ITSN1: variants seen among roughly 807,000 people sequenced by gnomAD.
ITSN1 encodes intersectin-1.
In ITSN1, 58 loss-of-function variants were observed where a neutral mutation model predicts 239.8. The ratio of observed to expected loss-of-function variants is 0.24; its 90% CI spans 0.20 to 0.30. The LOEUF is 0.30. ITSN1 is among the 10% of genes least tolerant of loss of function. The probability of loss-of-function intolerance (pLI) is 1.00; values close to 1 mark genes in which losing one functional copy is unlikely to be tolerated. For missense variants in ITSN1, 1,558 were observed against 2,103.3 expected (o/e 0.74, Z 5.07); for synonymous variants, 780 against 770.8 (o/e 1.01, Z -0.20).
rs1343061780 is a variant in ITSN1, at chr21:33,836,606, C to T, written c.3635C>T (p.Thr1212Ile). Reference protein sequence around the residue: ...GLFPSNYVKLTTDMDPSQQWC... With the variant: ...GLFPSNYVKLITDMDPSQQWC... ...TTCCCATCCAATTATGTGAAGCTGA[C>T]CACAGACATGGACCCAAGCCAGCAA... The change falls in exon 29 of 40, where the codon ACC becomes ATC. Residue 1212 changes from threonine (T) to isoleucine (I), a missense_variant. By Grantham distance (89) the Thr-to-Ile change is moderately conservative. Around this residue, in one of 2 missense-constraint regions of ITSN1, gnomAD observed 576 missense variants for 893.3 expected, o/e 0.64. Transcript: ENST00000381318. 5 of 1,614,006 alleles carry T rather than the reference C, an allele frequency of 3.1e-6. No homozygotes were observed. In the Admixed American group the frequency reaches 6.7e-5, roughly 22 times the overall value.
intron 4 of ITSN1, among the ~76,000 whole-genome samples, chr21:33,727,185 G>T (rs1193406491): frequency 1.3e-5 from 2 of 152,114 alleles, no homozygotes; most frequent in African/African-American, 4.8e-5. Context: ...TTATTAATAA[G>T]GAGCTGGAAG....
chr21:33,703,108 T>TGC (rs887168914), intron 1 of ITSN1, among the ~76,000 whole-genome samples: 2 of 151,466 alleles, frequency 1.3e-5, no homozygotes, highest in African/African-American at 4.8e-5. Context: ...TGTGTGTGTG[T>TGC]GTGTGTATAC....
intron 7 of ITSN1, chr21:33,754,358 A>G (rs1602029363): frequency 6.6e-6 from 1 of 152,248 alleles, no homozygotes; most frequent in Non-Finnish European, 1.5e-5. Context: ...ACACATGGAA[A>G]TGATGATTAA....
intron 16 of ITSN1, among the ~76,000 whole-genome samples, chr21:33,789,012 T>C (rs1266827239): frequency 1.3e-5 from 2 of 152,236 alleles, no homozygotes; most frequent in African/African-American, 4.8e-5. Flanking sequence ...TCAGTTTACC[T>C]TGATTTGGGT....
At position 33,848,419 on chromosome 21, in the gene ITSN1, G is replaced by A. The variant is rs1261050846; in HGVS notation, c.3662-8317G>A. On this transcript the variant is annotated intron_variant, in intron 29 of 39. Coordinates refer to ENST00000381318, the MANE Select transcript of ITSN1 (RefSeq NM_003024.3). ...GACTTTGTATCTTTAGAACCATGAGGAAGTATATGTTGTTTAAGCGGCTGG... is the reference window on the plus strand; with the variant it reads ...GACTTTGTATCTTTAGAACCATGAGAAAGTATATGTTGTTTAAGCGGCTGG... Among the ~76,000 whole-genome samples, 3 of 152,168 alleles carry A rather than the reference G, an allele frequency of 2.0e-5. No individual in the cohort carries two copies. In the East Asian group the frequency reaches 5.8e-4, roughly 29 times the overall value.
intron 5 of ITSN1, among the ~76,000 whole-genome samples, chr21:33,741,128 G>A (rs780201463): frequency 4.6e-5 from 7 of 152,146 alleles, no homozygotes; most frequent in Non-Finnish European, 7.3e-5. Context: ...GATGGGGTAC[G>A]TGTCTTGAAG....
At chr21:33,738,969 A>T (rs543267294) in intron 5 of ITSN1, among the ~76,000 whole-genome samples, 70 of 152,096 alleles carry the variant, frequency 4.6e-4, no homozygotes, top group African/African-American at 1.3e-3. Flanking sequence ...TAATTAAAAA[A>T]TTTTTTTTAT....
In ITSN1 at chr21:33,735,200, A is replaced by C; in HGVS notation, c.342A>C (p.Ala114=). 6.2e-7 allele frequency: 1 copy of C among 1,612,584 alleles called. No homozygotes were observed. The highest frequency in any genetic ancestry group is 8.5e-7 in the Non-Finnish European group (1 of 1,179,380). ...CAGTTGCTATTTCTAGCGCACCAGC[A>C]TTTGGTAAGTCTGAAAATGAATTGG... is the stretch of plus-strand genomic sequence containing the variant. ...QQPVAISSAP[A]FGMGGIASMP... Residue 114 remains alanine (A), a synonymous_variant, in exon 5 of 40, where the codon GCA becomes GCC. Coordinates refer to ENST00000381318, the MANE Select transcript of ITSN1 (RefSeq NM_003024.3).
chr21:33,671,803 T>A (rs1052768945), intron 1 of ITSN1, among the ~76,000 whole-genome samples: 1 of 151,954 alleles, frequency 6.6e-6, no homozygotes, highest in Non-Finnish European at 1.5e-5. Flanking sequence ...AATAAATAAA[T>A]AAATAAATAA....
intron 8 of ITSN1, among the ~76,000 whole-genome samples, chr21:33,756,287 C>CAA (rs923721086): frequency 6.5e-4 from 37 of 56,516 alleles, no homozygotes; most frequent in Non-Finnish European, 1.1e-3. Context: ...GACTCCGTCT[C>CAA]AAAAAAAAAA....
rs1426630050 is a variant in ITSN1 at position 33,894,147 on chromosome 21, G to A, written c.*5847G>A. 4 of 152,168 alleles carry A rather than the reference G, an allele frequency of 2.6e-5. No homozygotes were observed. Among genetic ancestry groups the A allele is most frequent in the East Asian group, 1.9e-4 (1 of 5,192 alleles). The allele number at this position is 152,168 out of a possible 1,614,324, so 9.4% of individuals were successfully genotyped here. On this transcript the variant is annotated 3_prime_UTR_variant, in exon 40 of 40. Transcript: ENST00000381318. ...ATTAGGTTGGTGCAAAAGTGATTGC[G>A]GTTTTTGCCATTGCTTTTGATGGCA...
At chr21:33,877,860 T>TGTGTGTGC (rs1160748772) in intron 34 of ITSN1, among the ~76,000 whole-genome samples, 1 of 145,994 alleles carries the variant, frequency 6.8e-6, no homozygotes, top group Non-Finnish European at 1.5e-5. Context: ...TGTGTGTGTG[T>TGTGTGTGC]GCCAGTTTTC....
At chr21:33,843,554 G>A (rs2074897349) in intron 29 of ITSN1, among the ~76,000 whole-genome samples, 1 of 152,116 alleles carries the variant, frequency 6.6e-6, no homozygotes. Context: ...AGAAAAACAT[G>A]GTGCTGTATA....
chr21:33,682,664 A>G (rs948543243), intron 1 of ITSN1, among the ~76,000 whole-genome samples: 2 of 152,020 alleles, frequency 1.3e-5, no homozygotes, highest in African/African-American at 4.8e-5. Flanking sequence ...AGTAGCTGGC[A>G]CTACAGGTGT....
At chr21:33,713,971 A>AC (rs1057115488) in intron 1 of ITSN1, among the ~76,000 whole-genome samples, 2 of 150,564 alleles carry the variant, frequency 1.3e-5, no homozygotes, top group Non-Finnish European at 2.9e-5. Flanking sequence ...AGTAGCTGGG[A>AC]CTACAGGCAT....
At position 33,883,688 on chromosome 21, in the gene ITSN1, C is replaced by T. The variant is rs779621222; in HGVS notation, c.4676+17C>T. 2 of 1,611,086 alleles carry T rather than the reference C, an allele frequency of 1.2e-6. No individual in the cohort carries two copies. Among genetic ancestry groups the T allele is most frequent in the Non-Finnish European group, 1.7e-6 (2 of 1,178,052 alleles). On this transcript the variant is annotated intron_variant, in intron 36 of 39. Transcript: ENST00000381318. ...AAATGAAAGGTGAGACCTGCCGCCT[C>T]CCCAGCATGGGCCCCAGGGCTCCAC...
chr21:33,643,180 C>T (rs931558212), intron 1 of ITSN1, among the ~76,000 whole-genome samples: 4 of 151,892 alleles, frequency 2.6e-5, no homozygotes, highest in Admixed American at 6.5e-5. Context: ...GCCGCCTCTG[C>T]CTGGAGCCCC....
In ITSN1 at chr21:33,896,255, T is replaced by G. The variant is rs1986775737; in HGVS notation, c.*7955T>G. 6.6e-6 allele frequency: 1 copy of G among 152,362 alleles called. No individual in the cohort carries two copies. The highest frequency in any genetic ancestry group is 2.4e-5 in the African/African-American group (1 of 41,466). 9.4% of individuals were successfully genotyped at this position (152,362 alleles called of 1,614,324 possible). On this transcript the variant is annotated 3_prime_UTR_variant, in exon 40 of 40. Transcript: ENST00000381318. ...GGAGCTCTGGGCTCCCAGTTCAGGA[T>G]GGGCCACAGGGCGTCAAGCAGCTGT...
chr21:33,781,528 T>C lies in ITSN1; in HGVS notation c.1664T>C (p.Val555Ala), dbSNP rs367784015. 3.8e-6 allele frequency: 6 copies of C among 1,580,276 alleles called. No homozygotes were observed. The African/African-American group carries it at 8.2e-5, about 22-fold the overall frequency. Residue 555 changes from valine to alanine, a missense_variant, in exon 15 of 40, where the codon GTT becomes GCT. Transcript: ENST00000381318. Reference protein sequence around the residue: ...KQILNDQLKQVQQNSLHRDSL... With the variant: ...KQILNDQLKQAQQNSLHRDSL... ...ATACTCAATGACCAATTAAAACAAGTTCAGCAGAACAGTTTGCACAGTAGG... is the reference window on the plus strand; with the variant it reads ...ATACTCAATGACCAATTAAAACAAGCTCAGCAGAACAGTTTGCACAGTAGG...
Sources: gnomAD v4.1 joint callset for allele counts (sites outside exome capture counted in the v4.1 genomes callset) on GRCh38, gnomAD v4.1.1 for gene constraint, gnomAD v4.1.1 regional missense constraint, MANE v1.5 for transcripts, NCBI Gene and HGNC (gene_info 2026-07-23, HGNC 2026-07-21) for gene names.